TRPC1: variants seen among roughly 807,000 people sequenced by gnomAD.
TRPC1 encodes short transient receptor potential channel 1.
Under a neutral mutation model 88.2 loss-of-function variants are expected in TRPC1, and 42 were observed. The observed-to-expected ratio is 0.48, with a 90% confidence interval of 0.37 to 0.62. The LOEUF (loss-of-function observed/expected upper bound fraction) is 0.62, where lower values mean the gene tolerates loss of function less well. TRPC1 is among the 20% of genes least tolerant of loss of function. TRPC1 has a pLI of 0.00. For missense variants in TRPC1, 699 were observed against 957.3 expected (o/e 0.73, Z 3.56); for synonymous variants, 288 against 331.8 (o/e 0.87, Z 1.43).
intron 4 of TRPC1, among the ~76,000 whole-genome samples, chr3:142,772,215 G>A (rs868450241): frequency 2.0e-5 from 3 of 152,018 alleles, no homozygotes; most frequent in Non-Finnish European, 2.9e-5. Context: ...AGAAATTTGG[G>A]AAGTTGTTAG....
intron 4 of TRPC1, among the ~76,000 whole-genome samples, chr3:142,761,343 C>T (rs1342279996): frequency 1.3e-5 from 2 of 151,918 alleles, no homozygotes; most frequent in Admixed American, 1.3e-4. Context: ...GGTTTTTGTT[C>T]TTGATTCTGT....
At chr3:142,785,705 T>G (rs1936113297) in intron 7 of TRPC1, among the ~76,000 whole-genome samples, 1 of 152,154 alleles carries the variant, frequency 6.6e-6, no homozygotes. Context: ...TTCACTTCAT[T>G]GGCCAGGCTG....
chr3:142,725,018 C>G (rs766597343), intron 1 of TRPC1, among the ~76,000 whole-genome samples: 1 of 152,192 alleles, frequency 6.6e-6, no homozygotes, highest in Non-Finnish European at 1.5e-5. Context: ...CCGACCCCAG[C>G]GTTTTAGCGC....
At position 142,767,052 on chromosome 3, in the gene TRPC1, T is replaced by A. The variant is rs993603999; in HGVS notation, c.633-10580T>A. The stretch of plus-strand genomic sequence containing the variant: ...AATCATTTAGGCAGAAATGCCATCT[T>A]AAAAATATTGAATTATCCAACCATT... On this transcript the variant is annotated intron_variant, in intron 4 of 12. Transcript: ENST00000476941. The surrounding 1 kb of genome is among the most constrained non-coding windows in gnomAD (Gnocchi z 5.1). Among the ~76,000 whole-genome samples the A allele has an allele frequency of 6.6e-6, 1 of 152,222 alleles. No individual in the cohort carries two copies. Among genetic ancestry groups the A allele is most frequent in the Admixed American group, 6.5e-5 (1 of 15,284 alleles).
intron 4 of TRPC1, among the ~76,000 whole-genome samples, chr3:142,765,771 A>C (rs1011475737): frequency 1.3e-5 from 2 of 152,190 alleles, no homozygotes; most frequent in Admixed American, 6.6e-5. Context: ...AGAAACTATA[A>C]AGGGAATAAA....
intron 9 of TRPC1, among the ~76,000 whole-genome samples, chr3:142,799,207 T>C (rs891470006): frequency 1.1e-4 from 16 of 152,148 alleles, no homozygotes; most frequent in African/African-American, 3.4e-4. Context: ...CTGTGTGTAC[T>C]AGTATTAACT....
At chr3:142,787,610 T>C (rs983618190) in intron 7 of TRPC1, among the ~76,000 whole-genome samples, 2 of 152,230 alleles carry the variant, frequency 1.3e-5, no homozygotes, top group African/African-American at 4.8e-5. Flanking sequence ...TTAAATGTCA[T>C]GTACCTACTT....
intron 4 of TRPC1, among the ~76,000 whole-genome samples, chr3:142,754,322 G>A (rs1934883854): frequency 1.3e-5 from 2 of 151,900 alleles, no homozygotes; most frequent in Admixed American, 6.6e-5. Context: ...TTATCTATTA[G>A]TGGAAGACAA....
chr3:142,743,668 C>G, intron 3 of TRPC1, 82 bp downstream of exon 3: 1 of 822,508 alleles, frequency 1.2e-6, no homozygotes, highest in East Asian at 3.3e-5. Flanking sequence ...TTCCTTCCCT[C>G]AAATTTATTT....
chr3:142,780,799 C>T (rs373532625), intron 5 of TRPC1, 35 bp from the exon 6 acceptor site: 11 of 1,541,374 alleles, frequency 7.1e-6, no homozygotes, highest in Admixed American at 2.0e-5. Context: ...AAGATGGAAA[C>T]GACGTTTCTG....
chr3:142,724,273 C>T lies in TRPC1; in HGVS notation c.-287C>T, dbSNP rs528425907. The T allele has an allele frequency of 1.1e-5, 2 of 180,232 alleles. No homozygotes were observed. Among genetic ancestry groups the T allele is most frequent in the Admixed American group, 6.2e-5 (1 of 16,044 alleles). The allele number at this position is 180,232 out of a possible 1,614,324, so 11.2% of individuals were successfully genotyped here. The stretch of plus-strand genomic sequence containing the variant: ...GCCCTGGCGCGCGCCACACTGTCGT[C>T]CCCGGACGGGCGCGGACCGGCTCGG... On this transcript the variant is annotated 5_prime_UTR_variant, in exon 1 of 13. Coordinates refer to ENST00000476941, the MANE Select transcript of TRPC1 (RefSeq NM_001251845.2). This position sits in a 1 kb window ranked among gnomAD's most constrained non-coding sequence, Gnocchi z 5.6.
chr3:142,768,011 C>T (rs973343620), intron 4 of TRPC1, among the ~76,000 whole-genome samples: 1 of 151,560 alleles, frequency 6.6e-6, no homozygotes, highest in Non-Finnish European at 1.5e-5. Context: ...TGGTCATTTG[C>T]ATATTGGTGT....
rs547797451 is a variant in TRPC1, at chr3:142,749,511, A to G, written c.632+1051A>G. On this transcript the variant is annotated intron_variant, in intron 4 of 12. Transcript: ENST00000476941. ...ACCCCTGAAGACCTTCCATTGGGAC[A>G]GGATATGGAGGTGGAAGACAGTGAT... is the stretch of plus-strand genomic sequence containing the variant. Among the ~76,000 whole-genome samples the G allele has an allele frequency of 2.6e-5, 4 of 152,292 alleles. No individual in the cohort carries two copies. The South Asian group carries it at 8.3e-4, about 32-fold the overall frequency.
intron 2 of TRPC1, among the ~76,000 whole-genome samples, chr3:142,739,132 G>A (rs549076241): frequency 6.6e-5 from 10 of 151,976 alleles, no homozygotes; most frequent in East Asian, 1.9e-4. Flanking sequence ...GCACCATCAC[G>A]CCCGGCTAAT....
chr3:142,759,181 GTATA>G (rs1935091466), intron 4 of TRPC1, among the ~76,000 whole-genome samples: 1 of 152,258 alleles, frequency 6.6e-6, no homozygotes, highest in South Asian at 2.1e-4. Context: ...AATCCTTTGG[GTATA>G]TACCCAGTAA....
chr3:142,745,380 C>G (rs537753680), intron 3 of TRPC1, among the ~76,000 whole-genome samples: 1 of 152,106 alleles, frequency 6.6e-6, no homozygotes, highest in Non-Finnish European at 1.5e-5. Flanking sequence ...GCAGCCCTCA[C>G]CTACTTAGTA....
chr3:142,733,373 G>C (rs1040608255), intron 1 of TRPC1, among the ~76,000 whole-genome samples: 1 of 152,068 alleles, frequency 6.6e-6, no homozygotes, highest in Non-Finnish European at 1.5e-5. Flanking sequence ...TTAGCCGGGC[G>C]TGGTGGCAGC....
intron 5 of TRPC1, among the ~76,000 whole-genome samples, chr3:142,779,461 T>C (rs1029888059): frequency 6.6e-6 from 1 of 152,232 alleles, no homozygotes; most frequent in Non-Finnish European, 1.5e-5. Flanking sequence ...AAAGATGGAA[T>C]ATTTTTGTAA....
chr3:142,733,750 T>C (rs543868197), intron 1 of TRPC1, among the ~76,000 whole-genome samples: 2 of 152,298 alleles, frequency 1.3e-5, no homozygotes, highest in African/African-American at 4.8e-5. Flanking sequence ...CTAGAAATTA[T>C]AGCTAAAATA....
Sources: gnomAD v4.1 joint callset for allele counts (sites outside exome capture counted in the v4.1 genomes callset) on GRCh38, gnomAD v4.1.1 for gene constraint, Gnocchi (gnomAD v3.1) non-coding constraint, MANE v1.5 for transcripts, NCBI Gene and HGNC (gene_info 2026-07-23, HGNC 2026-07-21) for gene names.